The following DAB1 variants were observed in gnomAD, a reference collection of about 807,000 sequenced individuals.
DAB1 encodes disabled homolog 1.
A neutral mutation model predicts 64.6 loss-of-function variants in DAB1; 15 were observed. That is an observed-to-expected ratio of 0.23 (90% CI 0.16 to 0.36). DAB1 has a LOEUF of 0.36. DAB1 is among the 10% of genes least tolerant of loss of function. The probability of loss-of-function intolerance (pLI) is 1.00; values close to 1 mark genes in which losing one functional copy is unlikely to be tolerated. For missense variants in DAB1, 596 were observed against 706.7 expected (o/e 0.84, Z 1.78); for synonymous variants, 235 against 251.9 (o/e 0.93, Z 0.64).
At chr1:57,985,278 A>G (rs1646186467) in intron 5 of DAB1, among the ~76,000 whole-genome samples, 1 of 152,180 alleles carries the variant, frequency 6.6e-6, no homozygotes, top group South Asian at 2.1e-4. Context: ...TGACACTCAT[A>G]TTACAATTTT....
chr1:57,425,001 G>A (rs115469229), upstream of DAB1, among the ~76,000 whole-genome samples: 1,306 of 152,302 alleles, frequency 8.6e-3, 22 homozygotes, highest in African/African-American at 0.03. Context: ...TAGGGTCCTA[G>A]CTCACAAAGA....
At chr1:57,563,017 G>T (rs1225791829) in intron 7 of DAB1, among the ~76,000 whole-genome samples, 2 of 152,134 alleles carry the variant, frequency 1.3e-5, no homozygotes, top group African/African-American at 2.4e-5. Context: ...TGTGATTAAG[G>T]TCAATGGGAA....
At chr1:58,045,270 G>T (rs561729638) in intron 5 of DAB1, among the ~76,000 whole-genome samples, 1 of 152,144 alleles carries the variant, frequency 6.6e-6, no homozygotes, top group Non-Finnish European at 1.5e-5. Flanking sequence ...ACTCCGACGG[G>T]TCTGCTGGCA....
intron 5 of DAB1, among the ~76,000 whole-genome samples, chr1:57,936,895 G>T (rs780262845): frequency 1.8e-4 from 27 of 152,024 alleles, no homozygotes; most frequent in Non-Finnish European, 3.1e-4. Context: ...TCATTCTGCT[G>T]CCAGGAGTCT....
chr1:58,204,037 GACATT>G (rs1332109867), intron 4 of DAB1, among the ~76,000 whole-genome samples: 8 of 152,162 alleles, frequency 5.3e-5, no homozygotes, highest in Non-Finnish European at 1.0e-4. Flanking sequence ...AAGGACTTAA[GACATT>G]ACCTGTAATA....
intron 5 of DAB1, among the ~76,000 whole-genome samples, chr1:57,945,192 G>T (rs1440828394): frequency 6.6e-6 from 1 of 152,030 alleles, no homozygotes; most frequent in Non-Finnish European, 1.5e-5. Flanking sequence ...TGATTACAGG[G>T]CCACATTCCA....
At chr1:58,100,514 T>C (rs1651251294) in intron 5 of DAB1, among the ~76,000 whole-genome samples, 1 of 152,204 alleles carries the variant, frequency 6.6e-6, no homozygotes, top group Non-Finnish European at 1.5e-5. Context: ...TGCATAATGC[T>C]TCTGTGAACA....
At chr1:57,642,925 C>T (rs1415065708) in intron 7 of DAB1, among the ~76,000 whole-genome samples, 5 of 152,200 alleles carry the variant, frequency 3.3e-5, no homozygotes, top group East Asian at 1.9e-4. Flanking sequence ...ACAAATATTA[C>T]TTGAGCACCT....
chr1:57,305,058 G>A (rs1052962197), intron 1 of DAB1, among the ~76,000 whole-genome samples: 10 of 152,152 alleles, frequency 6.6e-5, no homozygotes, highest in Non-Finnish European at 1.2e-4. Context: ...AGGTGCCAGC[G>A]GGAAACTGAT....
chr1:57,569,589 G>T (rs1206469781), intron 7 of DAB1, among the ~76,000 whole-genome samples: 1 of 151,314 alleles, frequency 6.6e-6, no homozygotes, highest in East Asian at 2.0e-4. Context: ...ATACACCGGG[G>T]CCTGTTGTGT....
intron 6 of DAB1, among the ~76,000 whole-genome samples, chr1:57,753,212 G>GC (rs1163663231): frequency 1.3e-5 from 2 of 152,138 alleles, no homozygotes; most frequent in Non-Finnish European, 2.9e-5. Context: ...CATAGAAAAA[G>GC]CCCACAACTT....
chr1:58,348,761 T>C (rs1312302321), intron 3 of DAB1, among the ~76,000 whole-genome samples: 4 of 152,228 alleles, frequency 2.6e-5, no homozygotes, highest in Admixed American at 1.3e-4. Flanking sequence ...GAAGTTTTTT[T>C]GGCACATGAA....
chr1:57,094,086 G>T (rs1433783692), intron 4 of DAB1, among the ~76,000 whole-genome samples: 1 of 144,256 alleles, frequency 6.9e-6, no homozygotes, highest in East Asian at 2.1e-4. Context: ...TCCAGCCTGG[G>T]TGCCAGAGTG....
intron 7 of DAB1, among the ~76,000 whole-genome samples, chr1:57,443,554 C>A (rs909323884): frequency 7.2e-5 from 11 of 152,216 alleles, no homozygotes; most frequent in Non-Finnish European, 1.5e-4. Flanking sequence ...CTCTACCAAC[C>A]TACTCCAACT....
chr1:57,661,415 C>T (rs1038889293), intron 6 of DAB1, among the ~76,000 whole-genome samples: 6 of 152,200 alleles, frequency 3.9e-5, no homozygotes, highest in African/African-American at 9.6e-5. Flanking sequence ...TTGTGACACT[C>T]GGTTACCTTC....
At chr1:57,728,171 G>C (rs1647261831) in intron 6 of DAB1, among the ~76,000 whole-genome samples, 1 of 152,208 alleles carries the variant, frequency 6.6e-6, no homozygotes, top group South Asian at 2.1e-4. Context: ...GCTGCAAAGA[G>C]ATTGTATCAG....
chr1:58,368,344 C>T (rs959045885), intron 3 of DAB1, among the ~76,000 whole-genome samples: 4 of 152,174 alleles, frequency 2.6e-5, no homozygotes, highest in South Asian at 2.1e-4. Flanking sequence ...CTGAGGAAAG[C>T]GTGGTAACCG....
chr1:57,865,479 C>T (rs1468222264), intron 1 of DAB1, among the ~76,000 whole-genome samples: 1 of 152,126 alleles, frequency 6.6e-6, no homozygotes, highest in African/African-American at 2.4e-5. Context: ...CACCCAACTT[C>T]AAATCATGCC....
intron 14 of DAB1, among the ~76,000 whole-genome samples, 163 bp from the exon 15 acceptor site, chr1:56,998,291 G>A (rs1645710179): frequency 6.6e-6 from 1 of 152,156 alleles, no homozygotes; most frequent in East Asian, 1.9e-4. Context: ...ATAACATTTT[G>A]GCAACATTTT....
Sources: gnomAD v4.1 joint callset for allele counts (sites outside exome capture counted in the v4.1 genomes callset) on GRCh38, gnomAD v4.1.1 for gene constraint, MANE v1.5 for transcripts, NCBI Gene and HGNC (gene_info 2026-07-23, HGNC 2026-07-21) for gene names.